ALPK1: variants seen among roughly 807,000 people sequenced by gnomAD.
The protein encoded by ALPK1 is alpha-protein kinase 1.
A neutral mutation model predicts 120.6 loss-of-function variants in ALPK1; 110 were observed. The ratio of observed to expected loss-of-function variants is 0.91; its 90% CI spans 0.78 to 1.07. The LOEUF (loss-of-function observed/expected upper bound fraction) is 1.07, where lower values mean the gene tolerates loss of function less well. Ranked by LOEUF, ALPK1 falls within the 50% of genes least tolerant of loss-of-function variation. The pLI is 0.00. For missense variants in ALPK1, 1,498 were observed against 1,483.9 expected, an observed-to-expected ratio of 1.01 and a Z score of -0.16; for synonymous variants, 582 against 560.3, an observed-to-expected ratio of 1.04 and a Z score of -0.55.
chr4:112,350,030 A>T (rs1438037781), intron 2 of ALPK1, among the ~76,000 whole-genome samples: 1 of 152,218 alleles, frequency 6.6e-6, no homozygotes, highest in Non-Finnish European at 1.5e-5. Flanking sequence ...TAAGTAGCAG[A>T]AATTTAAATC....
Position 112,415,911 on chromosome 4 carries a change from G to A in ALPK1, c.475+3886G>A, listed in dbSNP as rs546779037. Among the ~76,000 whole-genome samples the A allele has an allele frequency of 3.9e-5, 6 of 152,214 alleles. No individual in the cohort carries two copies. The East Asian group carries it at 1.2e-3, about 29-fold the overall frequency. ...AGATAAAATAAATCCTTAGAAAAAT[G>A]AAGTAAAAAACAAAGATACAAAAAT... is the stretch of plus-strand genomic sequence containing the variant. On this transcript the variant is annotated intron_variant, in intron 5 of 15. Transcript: ENST00000650871.
chr4:112,423,883 C>G (rs1560681526), intron 5 of ALPK1, 61 bp from the exon 6 acceptor site: 1 of 1,531,678 alleles, frequency 6.5e-7, no homozygotes, highest in East Asian at 2.3e-5. Context: ...ACATGAACAA[C>G]TTGTAATTGT....
intron 13 of ALPK1, 104 bp downstream of exon 13, chr4:112,438,750 A>G (rs1734899312): frequency 9.1e-6 from 12 of 1,319,076 alleles, no homozygotes; most frequent in Non-Finnish European, 1.2e-5. Context: ...TTTTTAGCAA[A>G]CTATCCTTGT....
At chr4:112,313,888 T>C (rs1364565395) in intron 1 of ALPK1, among the ~76,000 whole-genome samples, 1 of 152,188 alleles carries the variant, frequency 6.6e-6, no homozygotes, top group African/African-American at 2.4e-5. Context: ...GTAGAGACAA[T>C]TCTTTCAGGG....
intron 2 of ALPK1, among the ~76,000 whole-genome samples, chr4:112,353,634 G>A (rs888084619): frequency 4.6e-5 from 7 of 152,072 alleles, no homozygotes; most frequent in African/African-American, 1.7e-4. Context: ...TTGGGAGGCC[G>A]AGGCAGGTGG....
At chr4:112,379,078 G>A (rs893683254) in intron 3 of ALPK1, among the ~76,000 whole-genome samples, 1 of 152,178 alleles carries the variant, frequency 6.6e-6, no homozygotes, top group Non-Finnish European at 1.5e-5. Flanking sequence ...CTCCCCAGGG[G>A]CGGTGTGTTG....
At chr4:112,320,614 G>T (rs1728825366) in intron 2 of ALPK1, among the ~76,000 whole-genome samples, 1 of 152,050 alleles carries the variant, frequency 6.6e-6, no homozygotes, top group East Asian at 1.9e-4. Flanking sequence ...CAATAGGATT[G>T]GTACCATTCT....
rs1293027141 is a variant in ALPK1 at position 112,430,986 on chromosome 4, A to C, written c.1439A>C (p.Glu480Ala). Reference protein sequence around the residue: ...FESDCGNNKNEQKDAKTGVCI... With the variant: ...FESDCGNNKNAQKDAKTGVCI... ...AGTGATTGTGGAAACAACAAAAATG[A>C]ACAGAAAGATGCAAAAACAGGAGTC... The change falls in exon 11 of 16, where the codon GAA (glutamate) becomes GCA (alanine). Residue 480 changes from glutamate (E) to alanine (A), a missense_variant. Glu to Ala is a moderately radical substitution (Grantham distance 107). Coordinates refer to ENST00000650871, the MANE Select transcript of ALPK1 (RefSeq NM_025144.4). 3.7e-6 allele frequency: 6 copies of C among 1,613,702 alleles called. No homozygotes were observed.
rs1351501492 is a variant in ALPK1 at position 112,431,045 on chromosome 4, A to T, written c.1498A>T (p.Ile500Leu). ...ITALKTEIKN[I>L]DTVSTTQEKP... ...TGCTCTAAAAACAGAAATAAAAAAC[A>T]TAGATACTGTGAGTACTACTCAAGA... is the stretch of plus-strand genomic sequence containing the variant. Residue 500 changes from isoleucine to leucine, a missense_variant, in exon 11 of 16, where the codon ATA (isoleucine) becomes TTA (leucine). By Grantham distance (5) the Ile-to-Leu change is conservative. Coordinates refer to ENST00000650871, the MANE Select transcript of ALPK1 (RefSeq NM_025144.4). 1 of 1,613,884 alleles carries T rather than the reference A, an allele frequency of 6.2e-7. No individual in the cohort carries two copies. Among genetic ancestry groups the T allele is most frequent in the East Asian group, 2.2e-5 (1 of 44,886 alleles).
intron 2 of ALPK1, chr4:112,357,608 C>T: frequency 6.2e-7 from 1 of 1,603,046 alleles, no homozygotes; most frequent in Non-Finnish European, 8.5e-7. Context: ...ATCCCTTTCC[C>T]AGTCTGCCTG....
In ALPK1 at chr4:112,441,932, C is replaced by T. The variant is rs146573462; in HGVS notation, c.*722C>T. ...GGAACACTATGTGTATTAATCCACT[C>T]TCACACTGCTATGAAGAGATACCTG... On this transcript the variant is annotated 3_prime_UTR_variant, in exon 16 of 16. Transcript: ENST00000650871. 1.5e-4 allele frequency: 23 copies of T among 152,344 alleles called. No individual in the cohort carries two copies. The highest frequency in any genetic ancestry group is 5.5e-4 in the African/African-American group (23 of 41,546). The allele number at this position is 152,344 out of a possible 1,614,324, so 9.4% of individuals were successfully genotyped here. A position where few individuals can be genotyped will look rare whatever the true frequency, so the allele number is the denominator to read the frequency against.
intron 3 of ALPK1, among the ~76,000 whole-genome samples, chr4:112,381,366 A>G (rs1731897135): frequency 6.6e-6 from 1 of 152,194 alleles, no homozygotes; most frequent in South Asian, 2.1e-4. Flanking sequence ...ATTTAGAAAA[A>G]AGTGATGAGT....
intron 5 of ALPK1, among the ~76,000 whole-genome samples, chr4:112,413,684 G>T (rs1733598524): frequency 6.6e-6 from 1 of 152,222 alleles, no homozygotes; most frequent in Non-Finnish European, 1.5e-5. Context: ...CTCCCAGAAT[G>T]CTGGGATTAC....
chr4:112,405,677 G>C (rs1733136505), intron 4 of ALPK1, among the ~76,000 whole-genome samples: 1 of 152,164 alleles, frequency 6.6e-6, no homozygotes, highest in Non-Finnish European at 1.5e-5. Flanking sequence ...CCAGATTCAA[G>C]TGATTCTCCT....
At chr4:112,312,559 T>A (rs79014819) in intron 1 of ALPK1, among the ~76,000 whole-genome samples, 12,926 of 152,262 alleles carry the variant, frequency 0.085, 841 homozygotes, top group Admixed American at 0.21. Context: ...GGCGTGAGCC[T>A]CCGCACCTGG....
At chr4:112,359,444 C>A in intron 2 of ALPK1, 2 of 288,908 alleles carry the variant, frequency 6.9e-6, no homozygotes, top group South Asian at 9.1e-5. Context: ...TCAGCATGTT[C>A]GTGCATCCAT....
At chr4:112,371,684 G>T (rs558817264) in intron 2 of ALPK1, among the ~76,000 whole-genome samples, 1 of 152,196 alleles carries the variant, frequency 6.6e-6, no homozygotes, top group Non-Finnish European at 1.5e-5. Context: ...AAAAGGAAGA[G>T]ATTTATGATC....
chr4:112,361,583 G>A (rs1176628991), intron 2 of ALPK1, among the ~76,000 whole-genome samples: 2 of 152,160 alleles, frequency 1.3e-5, no homozygotes, highest in Admixed American at 1.3e-4. Context: ...AGGAGAGTCT[G>A]AGCTTAGACA....
intron 1 of ALPK1, among the ~76,000 whole-genome samples, chr4:112,311,448 A>C (rs551278323): frequency 1.3e-5 from 2 of 152,244 alleles, no homozygotes; most frequent in Non-Finnish European, 2.9e-5. Context: ...AATGATTACT[A>C]TTTCTACCTC....
Sources: allele counts gnomAD v4.1 joint callset (sites outside exome capture counted in the v4.1 genomes callset), GRCh38; gene constraint gnomAD v4.1.1; transcripts MANE v1.5; gene names NCBI Gene and HGNC (gene_info 2026-07-23, HGNC 2026-07-21).